The following TGFBR1 variants were observed in gnomAD, a reference collection of about 807,000 sequenced individuals.
TGFBR1 encodes TGF-beta receptor type-1.
TGFBR1 carries 20 observed loss-of-function variants against 55.1 expected under a neutral mutation model. That is an observed-to-expected ratio of 0.36 (90% confidence interval 0.26 to 0.53). The LOEUF is 0.53. TGFBR1 is among the 20% of genes least tolerant of loss of function. TGFBR1 has a pLI of 0.91. For missense variants in TGFBR1, 385 were observed against 617.6 expected, an observed-to-expected ratio of 0.62 and a Z score of 3.99; for synonymous variants, 220 against 214.8, an observed-to-expected ratio of 1.02 and a Z score of -0.21.
chr9:99,145,591 G>A (rs1827767755), intron 6 of TGFBR1, among the ~76,000 whole-genome samples: 1 of 152,208 alleles, frequency 6.6e-6, no homozygotes, highest in African/African-American at 2.4e-5. Flanking sequence ...GAGTCCATGA[G>A]TCTTCAAAAG....
At chr9:99,135,504 C>T (rs1483069223) in intron 3 of TGFBR1, among the ~76,000 whole-genome samples, 1 of 152,210 alleles carries the variant, frequency 6.6e-6, no homozygotes, top group Non-Finnish European at 1.5e-5. Flanking sequence ...CTGTCTCTAC[C>T]TCTAAAGACT....
At chr9:99,126,995 C>A (rs1424437065) in intron 1 of TGFBR1, among the ~76,000 whole-genome samples, 2 of 152,166 alleles carry the variant, frequency 1.3e-5, no homozygotes, top group Non-Finnish European at 2.9e-5. Context: ...ACCTGACATT[C>A]CTGAATTTGA....
At position 99,149,469 on chromosome 9, in the gene TGFBR1, C is replaced by T. The variant is rs1827914447; in HGVS notation, c.*164C>T. The stretch of plus-strand genomic sequence containing the variant: ...AAAAACTTCCCAGGATTTCTTTGGA[C>T]CCAGGAAACAGCCATGTGGGTCCTT... On this transcript the variant is annotated 3_prime_UTR_variant, in exon 9 of 9. Coordinates refer to ENST00000374994, the MANE Select transcript of TGFBR1 (RefSeq NM_004612.4). The T allele has an allele frequency of 2.1e-6, 2 of 943,016 alleles. No homozygotes were observed. The highest frequency in any genetic ancestry group is 1.6e-6 in the Non-Finnish European group (1 of 619,940). 58.4% of individuals were successfully genotyped at this position (943,016 alleles called of 1,614,324 possible).
At position 99,142,674 on chromosome 9, in the gene TGFBR1, A is replaced by T. The variant is rs1060502045; in HGVS notation, c.944A>T (p.His315Leu). The T allele has an allele frequency of 6.2e-7, 1 of 1,614,110 alleles. No individual in the cohort carries two copies. ...CTGTCCACGGCGAGCGGTCTTGCCC[A>T]TCTTCACATGGAGATTGTTGGTACC... ...LALSTASGLAHLHMEIVGTQG... is the reference protein window; with the variant it reads ...LALSTASGLALLHMEIVGTQG... The change falls in exon 5 of 9, where the codon CAT becomes CTT. Residue 315 changes from histidine (H) to leucine (L), a missense_variant. By Grantham distance (99) the His-to-Leu change is moderately conservative. Transcript: ENST00000374994.
intron 5 of TGFBR1, among the ~76,000 whole-genome samples, chr9:99,143,418 A>G (rs1827690477): frequency 6.6e-6 from 1 of 152,236 alleles, no homozygotes; most frequent in Non-Finnish European, 1.5e-5. Context: ...AGGAGACTGC[A>G]TGAGATAGTT....
At chr9:99,148,569 T>G (rs757956941) in intron 8 of TGFBR1, among the ~76,000 whole-genome samples, 18 of 152,186 alleles carry the variant, frequency 1.2e-4, no homozygotes, top group Non-Finnish European at 2.4e-4. Context: ...CAGCAGAACC[T>G]CTGATAAGCA....
chr9:99,118,286 C>G (rs920702404), intron 1 of TGFBR1, among the ~76,000 whole-genome samples: 2 of 152,132 alleles, frequency 1.3e-5, no homozygotes, highest in Non-Finnish European at 2.9e-5. Flanking sequence ...AATGATAGTT[C>G]TGTGTCTTTC....
At chr9:99,137,756 G>C (rs540582339) in intron 3 of TGFBR1, 103 bp from the exon 4 acceptor site, 2 of 866,792 alleles carry the variant, frequency 2.3e-6, no homozygotes, top group Non-Finnish European at 3.8e-6. Flanking sequence ...TAAAGGGATA[G>C]CTTAAAGTAT....
At chr9:99,133,157 A>G (rs989941927) in intron 3 of TGFBR1, among the ~76,000 whole-genome samples, 1 of 152,256 alleles carries the variant, frequency 6.6e-6, no homozygotes, top group Non-Finnish European at 1.5e-5. Flanking sequence ...ATTTGAAAAC[A>G]GGCATGACAG....
chr9:99,107,190 A>G (rs2118208558), intron 1 of TGFBR1, among the ~76,000 whole-genome samples: 1 of 152,350 alleles, frequency 6.6e-6, no homozygotes, highest in African/African-American at 2.4e-5. Context: ...CTAAGCCCAG[A>G]CTGCCTCAGC....
At chr9:99,121,821 G>A (rs1346834036) in intron 1 of TGFBR1, among the ~76,000 whole-genome samples, 1 of 152,044 alleles carries the variant, frequency 6.6e-6, no homozygotes, top group Non-Finnish European at 1.5e-5. Flanking sequence ...AAGTCAGAGT[G>A]ATGAAAAAAC....
At chr9:99,123,833 T>A (rs759889814) in intron 1 of TGFBR1, among the ~76,000 whole-genome samples, 13 of 152,188 alleles carry the variant, frequency 8.5e-5, no homozygotes, top group Non-Finnish European at 1.9e-4. Flanking sequence ...AAAACCACAT[T>A]GGCACAATGC....
At chr9:99,140,825 CA>C (rs1035477957) in intron 4 of TGFBR1, among the ~76,000 whole-genome samples, 6 of 152,192 alleles carry the variant, frequency 3.9e-5, no homozygotes, top group African/African-American at 1.4e-4. Context: ...GATTTTGTCA[CA>C]TTCCAAGTTA....
Position 99,105,444 on chromosome 9 carries a change from C to G in TGFBR1, c.97+142C>G, listed in dbSNP as rs1159989569. 6 of 732,436 alleles carry G rather than the reference C, an allele frequency of 8.2e-6. No homozygotes were observed. In the African/African-American group the frequency reaches 1.2e-4, roughly 14 times the overall value. 45.4% of individuals were successfully genotyped at this position (732,436 alleles called of 1,614,324 possible). On this transcript the variant is annotated intron_variant, in intron 1 of 8. Transcript: ENST00000374994. ...CGGGGCCCGGGCCGGGCTCTCGTGG[C>G]GCCGCGCGGCTCGGCGGCTGCCGGG...
At chr9:99,146,359 G>A in intron 6 of TGFBR1, 126 bp from the exon 7 acceptor site, 1 of 1,143,090 alleles carries the variant, frequency 8.7e-7, no homozygotes, top group South Asian at 1.3e-5. Flanking sequence ...TTTTTCTTGA[G>A]TCTAATATTT....
chr9:99,134,805 TATATATATATATATATATATATATATATA>T lies in TGFBR1; in HGVS notation c.574+2067_574+2095del, dbSNP rs1827373840. Among the ~76,000 whole-genome samples the T allele has an allele frequency of 7.0e-3, 222 of 31,796 alleles. 3 individuals carry two copies. The highest frequency in any genetic ancestry group is 0.021 in the African/African-American group (195 of 9,448). The allele number at this position is 31,796 out of a possible 152,430, so 20.9% of individuals were successfully genotyped here. A position where few individuals can be genotyped will look rare whatever the true frequency, so the allele number is the denominator to read the frequency against. ...CAATGGAATAATTCTGTTTCCATTA[TATATATATATATATATATATATATATATA>T]TATATATATATATATATATTTCTAG... On this transcript the variant is annotated intron_variant, in intron 3 of 8. Transcript: ENST00000374994.
At chr9:99,148,307 C>CT (rs1423719115) in intron 8 of TGFBR1, among the ~76,000 whole-genome samples, 1 of 152,140 alleles carries the variant, frequency 6.6e-6, no homozygotes, top group Non-Finnish European at 1.5e-5. Flanking sequence ...AGGGAAAATG[C>CT]TTTTTTCCAG....
chr9:99,118,481 T>A (rs1310856371), intron 1 of TGFBR1, among the ~76,000 whole-genome samples: 1 of 152,170 alleles, frequency 6.6e-6, no homozygotes, highest in African/African-American at 2.4e-5. Flanking sequence ...GAATTTTTTT[T>A]AAATTCTGCA....
Position 99,142,619 on chromosome 9 carries a change from G to A in TGFBR1, c.889G>A (p.Val297Ile), listed in dbSNP as rs757284158. 10 of 1,614,000 alleles carry A rather than the reference G, an allele frequency of 6.2e-6. No individual in the cohort carries two copies. Among genetic ancestry groups the A allele is most frequent in the Non-Finnish European group, 8.5e-6 (10 of 1,179,976 alleles). ...SLFDYLNRYT[V>I]TVEGMIKLAL... is the part of the protein sequence containing the mutation. ...TTTTGATTACTTAAACAGATACACA[G>A]TTACTGTGGAAGGAATGATAAAACT... Residue 297 changes from valine to isoleucine, a missense_variant, in exon 5 of 9, where the codon GTT becomes ATT. Around this residue, in one of 5 missense-constraint regions of TGFBR1, gnomAD observed 85 missense variants for 228.4 expected, o/e 0.37. Transcript: ENST00000374994.
Sources: gnomAD v4.1 joint callset for allele counts (sites outside exome capture counted in the v4.1 genomes callset) on GRCh38, gnomAD v4.1.1 for gene constraint, gnomAD v4.1.1 regional missense constraint, MANE v1.5 for transcripts, NCBI Gene and HGNC (gene_info 2026-07-23, HGNC 2026-07-21) for gene names.